Variants in MERTK observed in about 807,000 individuals in gnomAD.
The protein encoded by MERTK is tyrosine-protein kinase Mer.
In MERTK, 69 loss-of-function variants were observed where a neutral mutation model predicts 99.3. The ratio of observed to expected loss-of-function variants is 0.70; its 90% CI spans 0.57 to 0.85. The LOEUF (loss-of-function observed/expected upper bound fraction) is 0.85, where lower values mean the gene tolerates loss of function less well. MERTK is among the 40% of genes least tolerant of loss of function. The pLI is 0.00. For synonymous variants in MERTK, 426 were observed against 467.6 expected, an observed-to-expected ratio of 0.91 and a Z score of 1.15; for missense variants, 1,125 against 1,249.4, an observed-to-expected ratio of 0.90 and a Z score of 1.50.
At chr2:112,026,523 A>G (rs1677464213) in intron 18 of MERTK, among the ~76,000 whole-genome samples, 1 of 152,216 alleles carries the variant, frequency 6.6e-6, no homozygotes, top group Non-Finnish European at 1.5e-5. Context: ...AACCTCAAAA[A>G]TAAAAACAGA....
At chr2:111,916,109 AT>A (rs911364041) in intron 1 of MERTK, among the ~76,000 whole-genome samples, 4 of 151,878 alleles carry the variant, frequency 2.6e-5, no homozygotes, top group Non-Finnish European at 5.9e-5. Context: ...TATAGATTAT[AT>A]TTTTTTCTTT....
At chr2:111,941,362 GC>G (rs1276730794) in intron 2 of MERTK, among the ~76,000 whole-genome samples, 2 of 152,162 alleles carry the variant, frequency 1.3e-5, no homozygotes, top group East Asian at 1.9e-4. Flanking sequence ...CCCTGATGAA[GC>G]CCCCATGTGG....
At chr2:111,963,922 C>A (rs1017202189) in intron 4 of MERTK, among the ~76,000 whole-genome samples, 8 of 151,700 alleles carry the variant, frequency 5.3e-5, no homozygotes, top group Non-Finnish European at 1.0e-4. Flanking sequence ...GGGAGGAAGG[C>A]CATAGAGGTG....
intron 7 of MERTK, among the ~76,000 whole-genome samples, chr2:111,978,483 A>G (rs991688174): frequency 2.6e-5 from 4 of 151,888 alleles, no homozygotes; most frequent in African/African-American, 9.7e-5. Flanking sequence ...GTTTATAGAA[A>G]CAGGGTCTCA....
At chr2:111,934,118 A>G (rs1011109706) in intron 2 of MERTK, among the ~76,000 whole-genome samples, 7 of 152,278 alleles carry the variant, frequency 4.6e-5, no homozygotes, top group African/African-American at 1.4e-4. Context: ...AATTCAGTCC[A>G]TCATTGATGG....
At chr2:112,020,458 C>G (rs1677315784) in intron 16 of MERTK, 1 of 391,296 alleles carries the variant, frequency 2.6e-6, no homozygotes, top group Non-Finnish European at 5.1e-6. Context: ...TAGTCACCTT[C>G]CCCAGACTAC....
chr2:111,944,729 T>C (rs1346507812), intron 2 of MERTK, among the ~76,000 whole-genome samples: 1 of 152,174 alleles, frequency 6.6e-6, no homozygotes, highest in Non-Finnish European at 1.5e-5. Flanking sequence ...TGAAGAGTAA[T>C]GTGCTTTACT....
intron 2 of MERTK, among the ~76,000 whole-genome samples, chr2:111,944,529 A>AGTT (rs1482022460): frequency 6.6e-6 from 1 of 152,202 alleles, no homozygotes; most frequent in African/African-American, 2.4e-5. Flanking sequence ...TGTTTTAAGG[A>AGTT]ATTAGCTCAC....
chr2:111,925,856 A>G (rs1297102021), intron 1 of MERTK, among the ~76,000 whole-genome samples: 3 of 150,472 alleles, frequency 2.0e-5, no homozygotes, highest in Non-Finnish European at 4.4e-5. Context: ...TTTCTGAGAC[A>G]GAGTCTCGCT....
In MERTK at chr2:112,024,376, G is replaced by A. The variant is rs563068631; in HGVS notation, c.2486+1982G>A. 2.0e-5 allele frequency among the ~76,000 whole-genome samples: 3 copies of A among 152,366 alleles called. No homozygotes were observed. In the South Asian group the frequency reaches 6.2e-4, roughly 32 times the overall value. Reference sequence around the variant, plus strand: ...CAAGTGAATGCTGAGTCGGTTTTCTGTGAGACATTTTAGGGGACAAAGCAG... The same window carrying A: ...CAAGTGAATGCTGAGTCGGTTTTCTATGAGACATTTTAGGGGACAAAGCAG... On this transcript the variant is annotated intron_variant, in intron 18 of 18. Coordinates refer to ENST00000295408, the MANE Select transcript of MERTK (RefSeq NM_006343.3).
intron 8 of MERTK, among the ~76,000 whole-genome samples, chr2:111,987,293 T>C (rs1324194661): frequency 6.6e-6 from 1 of 152,230 alleles, no homozygotes; most frequent in South Asian, 2.1e-4. Context: ...AACAGTCATG[T>C]CACTTTCAGA....
Position 112,029,050 on chromosome 2 carries a change from A to G in MERTK, c.*186A>G. ...CATAATATATATTTATTTAAAGAGA[A>G]AAAATATGTGTATATCATGGAAAAA... On this transcript the variant is annotated 3_prime_UTR_variant, in exon 19 of 19. Coordinates refer to ENST00000295408, the MANE Select transcript of MERTK (RefSeq NM_006343.3). 7.4e-7 allele frequency: 1 copy of G among 1,356,740 alleles called. No individual in the cohort carries two copies. The highest frequency in any genetic ancestry group is 9.5e-7 in the Non-Finnish European group (1 of 1,048,524). The allele number at this position is 1,356,740 out of a possible 1,614,324, so 84.0% of individuals were successfully genotyped here. A position where few individuals can be genotyped will look rare whatever the true frequency, so the allele number is the denominator to read the frequency against.
At chr2:111,904,269 A>G (rs1684096811) in intron 1 of MERTK, among the ~76,000 whole-genome samples, 1 of 152,124 alleles carries the variant, frequency 6.6e-6, no homozygotes, top group East Asian at 1.9e-4. Context: ...TTCCTGTTCA[A>G]CTTTTCCCAC....
chr2:111,930,082 G>T (rs1684642981), intron 2 of MERTK: 1 of 152,940 alleles, frequency 6.5e-6, no homozygotes, highest in Non-Finnish European at 1.5e-5. Flanking sequence ...GCTGGGCCTG[G>T]GAGGCTACTT....
At position 111,975,315 on chromosome 2, in the gene MERTK, T is replaced by G; in HGVS notation, c.987T>G (p.Asn329Lys). 6.2e-7 allele frequency: 1 copy of G among 1,614,234 alleles called. No homozygotes were observed. The highest frequency in any genetic ancestry group is 2.2e-5 in the East Asian group (1 of 44,890). ...IQVKEADPLS[N>K]GSVMIFNTSA... ...TCAAGGAAGCTGATCCGCTGAGTAATGGCTCAGTCATGATTTTTAACACCT... is the reference window on the plus strand; with the variant it reads ...TCAAGGAAGCTGATCCGCTGAGTAAGGGCTCAGTCATGATTTTTAACACCT... The change falls in exon 7 of 19, where the codon AAT (asparagine) becomes AAG (lysine). Residue 329 changes from asparagine (N) to lysine (K), a missense_variant. Asn to Lys is a moderately conservative substitution (Grantham distance 94, BLOSUM62 0). Transcript: ENST00000295408.
At chr2:111,926,048 G>A (rs1260745250) in intron 1 of MERTK, among the ~76,000 whole-genome samples, 2 of 151,504 alleles carry the variant, frequency 1.3e-5, no homozygotes, top group Non-Finnish European at 1.5e-5. Flanking sequence ...AGCCAGGATG[G>A]TCTCGATCTC....
chr2:112,018,963 T>A (rs1677273983), intron 15 of MERTK, among the ~76,000 whole-genome samples: 1 of 152,144 alleles, frequency 6.6e-6, no homozygotes, highest in East Asian at 1.9e-4. Flanking sequence ...GGTGCCTAAT[T>A]GGAAACAGCT....
intron 2 of MERTK, among the ~76,000 whole-genome samples, chr2:111,938,846 T>C (rs1401793405): frequency 1.3e-5 from 2 of 152,204 alleles, no homozygotes; most frequent in East Asian, 3.8e-4. Flanking sequence ...TGGGTATCTT[T>C]CCAGAGATAT....
chr2:111,980,412 C>CTTTTTTTT (rs34831521), intron 7 of MERTK, among the ~76,000 whole-genome samples: 18 of 100,974 alleles, frequency 1.8e-4, no homozygotes, highest in South Asian at 3.9e-4. Context: ...GCAACTATTT[C>CTTTTTTTT]TTTTTTTTTT....
Sources: allele counts gnomAD v4.1 joint callset (sites outside exome capture counted in the v4.1 genomes callset), GRCh38; gene constraint gnomAD v4.1.1; transcripts MANE v1.5; gene names NCBI Gene and HGNC (gene_info 2026-07-23, HGNC 2026-07-21).